PPP5C: variants seen among roughly 807,000 people sequenced by gnomAD.
PPP5C encodes the protein serine/threonine-protein phosphatase 5.
Under a neutral mutation model 66.7 loss-of-function variants are expected in PPP5C, and 21 were observed. The observed-to-expected ratio is 0.31, with a 90% CI of 0.22 to 0.45. PPP5C has a LOEUF of 0.45. Ranked by LOEUF, PPP5C falls within the 20% of genes least tolerant of loss-of-function variation. PPP5C has a pLI of 1.00. For synonymous variants in PPP5C, 246 were observed against 257.4 expected (o/e 0.96, Z 0.43); for missense variants, 464 against 675.9 (o/e 0.69, Z 3.48).
chr19:46,389,398 C>CAGTGTTGAGTAAGACTCCATCTCAAA (rs2060671453), intron 11 of PPP5C, among the ~76,000 whole-genome samples: 2 of 19,088 alleles, frequency 1.0e-4, no homozygotes, highest in African/African-American at 2.8e-4. Flanking sequence ...CACACACACA[C>CAGTGTTGAGTAAGACTCCATCTCAAA]ACACACACAC....
At chr19:46,361,910 C>T (rs1972399731) in intron 2 of PPP5C, among the ~76,000 whole-genome samples, 1 of 152,170 alleles carries the variant, frequency 6.6e-6, no homozygotes. Flanking sequence ...TTTGACCATA[C>T]AAAATAAGAT....
chr19:46,383,613 T>C lies in PPP5C; in HGVS notation c.699+137T>C, dbSNP rs1972832511. ...CCACCCCTGTGCCTTTCCTCCTGAA[T>C]ATCCCATTTCTCTCCTGGCCTCTTG... On this transcript the variant is annotated intron_variant, in intron 5 of 12. Coordinates refer to ENST00000012443, the MANE Select transcript of PPP5C (RefSeq NM_006247.4). This position sits in a 1 kb window ranked among gnomAD's most constrained non-coding sequence, Gnocchi z 5.0. The C allele has an allele frequency of 9.3e-7, 1 of 1,071,832 alleles. No individual in the cohort carries two copies. Among genetic ancestry groups the C allele is most frequent in the Non-Finnish European group, 1.3e-6 (1 of 740,988 alleles). The allele number at this position is 1,071,832 out of a possible 1,614,324, so 66.4% of individuals were successfully genotyped here.
intron 8 of PPP5C, 58 bp from the exon 9 acceptor site, chr19:46,387,308 G>A (rs569418281): frequency 3.8e-5 from 62 of 1,610,548 alleles, no homozygotes; most frequent in Non-Finnish European, 5.2e-5. Flanking sequence ...GGTGAAGGAA[G>A]TTGGGGCCTG....
chr19:46,378,050 T>C (rs1223478737), intron 4 of PPP5C, among the ~76,000 whole-genome samples: 7 of 152,262 alleles, frequency 4.6e-5, no homozygotes, highest in African/African-American at 1.7e-4. Flanking sequence ...CTATGCATGC[T>C]TGAGGTTTAA....
At chr19:46,352,003 G>A (rs1311060395) in intron 1 of PPP5C, among the ~76,000 whole-genome samples, 5 of 152,200 alleles carry the variant, frequency 3.3e-5, no homozygotes, top group Admixed American at 6.5e-5. Flanking sequence ...CCCAGGACCC[G>A]GCTTCTCCCT....
intron 4 of PPP5C, among the ~76,000 whole-genome samples, chr19:46,379,930 G>C (rs1972761755): frequency 6.6e-6 from 1 of 152,166 alleles, no homozygotes; most frequent in African/African-American, 2.4e-5. Flanking sequence ...GATGAAAAAG[G>C]CTGCTCCAAA....
intron 2 of PPP5C, among the ~76,000 whole-genome samples, chr19:46,367,865 G>A (rs1267529327): frequency 6.6e-6 from 1 of 152,150 alleles, no homozygotes; most frequent in African/African-American, 2.4e-5. Context: ...GGCTTATGGG[G>A]GCCTGGTGAT....
At chr19:46,352,428 C>T (rs1392733070) in intron 1 of PPP5C, among the ~76,000 whole-genome samples, 2 of 152,204 alleles carry the variant, frequency 1.3e-5, no homozygotes, top group East Asian at 3.9e-4. Context: ...GCCACCTACT[C>T]CTGCCTCTGT....
intron 2 of PPP5C, among the ~76,000 whole-genome samples, chr19:46,372,748 G>T (rs1972616429): frequency 6.6e-6 from 1 of 152,182 alleles, no homozygotes; most frequent in Non-Finnish European, 1.5e-5. Context: ...TTCCCTAAAG[G>T]TATATCTGGC....
chr19:46,357,492 G>C (rs1972307236), intron 2 of PPP5C, among the ~76,000 whole-genome samples: 2 of 152,198 alleles, frequency 1.3e-5, no homozygotes, highest in Admixed American at 1.3e-4. Flanking sequence ...TTCTCTTATT[G>C]AATTAATTCT....
At chr19:46,370,178 A>T (rs1208498151) in intron 2 of PPP5C, among the ~76,000 whole-genome samples, 2 of 152,166 alleles carry the variant, frequency 1.3e-5, no homozygotes, top group East Asian at 3.8e-4. Flanking sequence ...TACTTTATAA[A>T]CTTTTTAATT....
intron 1 of PPP5C, among the ~76,000 whole-genome samples, chr19:46,351,707 G>T (rs1972188491): frequency 6.6e-6 from 1 of 152,256 alleles, no homozygotes; most frequent in African/African-American, 2.4e-5. Context: ...GGGTCGGTCA[G>T]ATCTGGGCTG....
chr19:46,379,768 T>C (rs1972758583), intron 4 of PPP5C, among the ~76,000 whole-genome samples: 1 of 152,186 alleles, frequency 6.6e-6, no homozygotes, highest in South Asian at 2.1e-4. Flanking sequence ...TGAGGCTCTA[T>C]AGAGAGAATT....
intron 2 of PPP5C, among the ~76,000 whole-genome samples, chr19:46,370,026 G>A (rs886344583): frequency 4.6e-5 from 7 of 151,980 alleles, no homozygotes; most frequent in Admixed American, 1.3e-4. Context: ...GAGTCAGTGC[G>A]TGAGTGGTGA....
chr19:46,375,944 C>T (rs1487644481), intron 3 of PPP5C, among the ~76,000 whole-genome samples, 193 bp downstream of exon 3: 2 of 152,136 alleles, frequency 1.3e-5, no homozygotes, highest in African/African-American at 4.8e-5. Context: ...TCCCAGTGAG[C>T]GAGATTGGAG....
At chr19:46,361,763 CA>C (rs202221574) in intron 2 of PPP5C, among the ~76,000 whole-genome samples, 6,340 of 104,164 alleles carry the variant, frequency 0.061, 373 homozygotes, top group African/African-American at 0.19. Context: ...GACTCCGTCT[CA>C]AAAAAAAAAA....
At chr19:46,386,253 T>G (rs1972883379) in intron 7 of PPP5C, among the ~76,000 whole-genome samples, 1 of 151,934 alleles carries the variant, frequency 6.6e-6, no homozygotes. Context: ...AGGAGCTCAC[T>G]GGGATGTGAG....
intron 1 of PPP5C, among the ~76,000 whole-genome samples, chr19:46,348,454 T>C (rs1261601356): frequency 6.6e-6 from 1 of 151,858 alleles, no homozygotes; most frequent in Non-Finnish European, 1.5e-5. Flanking sequence ...GCTGGGATTA[T>C]AGACGCACAC....
intron 1 of PPP5C, among the ~76,000 whole-genome samples, chr19:46,351,402 A>G (rs943801148): frequency 1.3e-5 from 2 of 152,150 alleles, no homozygotes; most frequent in East Asian, 3.8e-4. Flanking sequence ...CCCTTCATTT[A>G]GTCATTCACG....
Sources: gnomAD v4.1 joint callset for allele counts (sites outside exome capture counted in the v4.1 genomes callset) on GRCh38, gnomAD v4.1.1 for gene constraint, Gnocchi (gnomAD v3.1) non-coding constraint, MANE v1.5 for transcripts, NCBI Gene and HGNC (gene_info 2026-07-23, HGNC 2026-07-21) for gene names.